Variants in ANKRD30B observed in about 807,000 individuals in gnomAD.
The protein encoded by ANKRD30B is ankyrin repeat domain 30B.
ANKRD30B carries 144 observed loss-of-function variants against 202.2 expected under a neutral mutation model. The observed-to-expected ratio is 0.71, with a 90% confidence interval of 0.62 to 0.82. The LOEUF (loss-of-function observed/expected upper bound fraction) is 0.82, where lower values mean the gene tolerates loss of function less well. Ranked by LOEUF, ANKRD30B falls within the 40% of genes least tolerant of loss-of-function variation. ANKRD30B has a pLI of 0.00. For synonymous variants in ANKRD30B, 508 were observed against 561.3 expected (o/e 0.91, Z 1.34); for missense variants, 1,487 against 1,669.1 (o/e 0.89, Z 1.90).
chr18:14,935,909 C>T, the ANKRD30B span, among the ~76,000 whole-genome samples: 2 of 152,354 alleles, frequency 1.3e-5, no homozygotes, highest in Admixed American at 6.5e-5. Flanking sequence ...CTCCTCTGTA[C>T]ACACAGCTCC....
chr18:14,771,866 G>A lies in ANKRD30B; in HGVS notation c.1257-290G>A, dbSNP rs1967023701. The stretch of plus-strand genomic sequence containing the variant: ...TGAGGATGAATTATACTCAGGGTAT[G>A]CCAATTATATTGGCAGTCACTATTT... On this transcript the variant is annotated intron_variant, in intron 8 of 43. Transcript: ENST00000690538. Among the ~76,000 whole-genome samples, 4 of 152,160 alleles carry A rather than the reference G, an allele frequency of 2.6e-5. No homozygotes were observed. The South Asian group carries it at 8.3e-4, about 32-fold the overall frequency.
chr18:14,832,873 C>T (rs552463719), intron 34 of ANKRD30B, among the ~76,000 whole-genome samples: 3 of 152,104 alleles, frequency 2.0e-5, no homozygotes. Context: ...TTTCTAGTAT[C>T]CCCAAGTGGA....
At chr18:14,924,449 C>T in the ANKRD30B span, among the ~76,000 whole-genome samples, 1 of 152,208 alleles carries the variant, frequency 6.6e-6, no homozygotes, top group African/African-American at 2.4e-5. Context: ...GCACGTGCTC[C>T]ATGCCCGGCC....
intron 4 of ANKRD30B, among the ~76,000 whole-genome samples, chr18:14,757,112 G>A (rs1427662406): frequency 1.3e-5 from 2 of 151,746 alleles, no homozygotes; most frequent in East Asian, 3.9e-4. Flanking sequence ...ATGGGTAGAG[G>A]GAAGAAAGAC....
chr18:14,881,885 G>A, the ANKRD30B span, among the ~76,000 whole-genome samples: 1 of 151,940 alleles, frequency 6.6e-6, no homozygotes, highest in Non-Finnish European at 1.5e-5. Context: ...TCTAGTTTAT[G>A]TGCCAAAAGG....
In ANKRD30B at chr18:14,769,364, C is replaced by G. The variant is rs565015101; in HGVS notation, c.1247C>G (p.Pro416Arg). ...ATAGTGGATGTGAGTTCTGTAGAGC[C>G]TATATTCAGGTAAGACTTTGCGGTT... ...STNVDVSSVE[P>R]IFSLFGTRTI... The change falls in exon 8 of 44, where the codon CCT (proline) becomes CGT (arginine). Residue 416 changes from proline (P) to arginine (R), a missense_variant. Around this residue, in one of 6 missense-constraint regions of ANKRD30B, gnomAD observed 889 missense variants for 841.4 expected, o/e 1.06. Coordinates refer to ENST00000690538, the MANE Select transcript of ANKRD30B (RefSeq NM_001367607.2). 6.5e-7 allele frequency: 1 copy of G among 1,543,906 alleles called. No homozygotes were observed. The highest frequency in any genetic ancestry group is 8.7e-7 in the Non-Finnish European group (1 of 1,143,222).
Position 14,796,547 on chromosome 18 carries a change from T to A in ANKRD30B, c.1927+132T>A. On this transcript the variant is annotated intron_variant, in intron 18 of 43. Coordinates refer to ENST00000690538, the MANE Select transcript of ANKRD30B (RefSeq NM_001367607.2). ...GAAAATTTGAAACAAATAATGCCAA[T>A]GTTAGCATTTATGTTTGAGAAAATG... 2.6e-6 allele frequency: 3 copies of A among 1,171,606 alleles called. No homozygotes were observed. In the Admixed American group the frequency reaches 8.6e-5, roughly 33 times the overall value. The allele number at this position is 1,171,606 out of a possible 1,614,324, so 72.6% of individuals were successfully genotyped here.
At chr18:14,799,408 T>C (rs2143994393) in intron 22 of ANKRD30B, 113 bp downstream of exon 22, 1 of 1,080,186 alleles carries the variant, frequency 9.3e-7, no homozygotes, top group South Asian at 1.9e-5. Flanking sequence ...GATGGGAAAA[T>C]TTGATAAAAT....
Position 14,840,514 on chromosome 18 carries a change from G to A in ANKRD30B, c.2989-74G>A, listed in dbSNP as rs568215074. Reference sequence around the variant, plus strand: ...AGATCATGCCACTGGGCAACCCTGCGAGGCTTCATCTCAGAAAAACAAAAT... The same window carrying A: ...AGATCATGCCACTGGGCAACCCTGCAAGGCTTCATCTCAGAAAAACAAAAT... On this transcript the variant is annotated intron_variant, in intron 36 of 43. Coordinates refer to ENST00000690538, the MANE Select transcript of ANKRD30B (RefSeq NM_001367607.2). The A allele has an allele frequency of 1.2e-4, 88 of 720,188 alleles. No homozygotes were observed. The South Asian group carries it at 3.4e-3, about 28-fold the overall frequency. The allele number at this position is 720,188 out of a possible 1,614,324, so 44.6% of individuals were successfully genotyped here.
At position 14,764,013 on chromosome 18, in the gene ANKRD30B, C is replaced by G; in HGVS notation, c.1148C>G (p.Thr383Ser). 1.9e-6 allele frequency: 3 copies of G among 1,574,790 alleles called. No homozygotes were observed. The highest frequency in any genetic ancestry group is 1.2e-5 in the South Asian group (1 of 83,620). Residue 383 changes from threonine (T) to serine (S), a missense_variant, in exon 7 of 44, where the codon ACT (threonine) becomes AGT (serine). By Grantham distance (58) the Thr-to-Ser change is moderately conservative. Around this residue, in one of 6 missense-constraint regions of ANKRD30B, gnomAD observed 889 missense variants for 841.4 expected, o/e 1.06. Coordinates refer to ENST00000690538, the MANE Select transcript of ANKRD30B (RefSeq NM_001367607.2). ...ECVAGVTPNK[T>S]EVLEKGTSNM... is the part of the protein sequence containing the mutation. Reference sequence around the variant, plus strand: ...GTGGCAGGAGTAACACCTAATAAAACTGAAGTTTTGGAAAAAGGAACATCT... The same window carrying G: ...GTGGCAGGAGTAACACCTAATAAAAGTGAAGTTTTGGAAAAAGGAACATCT...
At chr18:14,792,822 G>C (rs1251233865) in intron 16 of ANKRD30B, among the ~76,000 whole-genome samples, 6 of 151,748 alleles carry the variant, frequency 4.0e-5, no homozygotes, top group Non-Finnish European at 7.4e-5. Flanking sequence ...TTATTTTTAA[G>C]GAAGCAAATT....
chr18:14,787,820 C>G (rs1968182312), intron 15 of ANKRD30B, among the ~76,000 whole-genome samples: 1 of 152,182 alleles, frequency 6.6e-6, no homozygotes, highest in African/African-American at 2.4e-5. Context: ...TAGAAACAAG[C>G]AGCTGCTGCC....
At chr18:14,774,495 G>T (rs1191083593) in intron 9 of ANKRD30B, among the ~76,000 whole-genome samples, 1 of 152,042 alleles carries the variant, frequency 6.6e-6, no homozygotes, top group Non-Finnish European at 1.5e-5. Flanking sequence ...GGCTATGTAT[G>T]ATTTTCATTA....
intron 6 of ANKRD30B, 118 bp downstream of exon 6, chr18:14,760,736 AT>A: frequency 1.5e-6 from 1 of 656,102 alleles, no homozygotes; most frequent in East Asian, 3.0e-5. Flanking sequence ...ACATATATAC[AT>A]ATATGTGGGT....
At chr18:14,881,449 A>T in the ANKRD30B span, among the ~76,000 whole-genome samples, 1 of 152,058 alleles carries the variant, frequency 6.6e-6, no homozygotes, top group Admixed American at 6.6e-5. Flanking sequence ...ATCATGGTGG[A>T]TTATCTTTTT....
the ANKRD30B span, among the ~76,000 whole-genome samples, chr18:14,899,157 T>C: frequency 6.6e-6 from 1 of 152,196 alleles, no homozygotes; most frequent in Non-Finnish European, 1.5e-5. Flanking sequence ...TAGGTTAGTA[T>C]ATTTTTCAAG....
At chr18:14,867,464 C>G in the ANKRD30B span, among the ~76,000 whole-genome samples, 1 of 152,010 alleles carries the variant, frequency 6.6e-6, no homozygotes, top group Non-Finnish European at 1.5e-5. Flanking sequence ...AACTTCTGCT[C>G]GTGTTGGAGC....
the ANKRD30B span, among the ~76,000 whole-genome samples, chr18:14,895,467 T>C: frequency 2.7e-3 from 409 of 152,282 alleles, 1 homozygote; most frequent in Non-Finnish European, 4.0e-3. Flanking sequence ...GGAAGACAAT[T>C]TGGCAGTTTC....
At chr18:14,911,161 T>A in the ANKRD30B span, among the ~76,000 whole-genome samples, 1 of 152,206 alleles carries the variant, frequency 6.6e-6, no homozygotes, top group African/African-American at 2.4e-5. Flanking sequence ...TTTGTTGCAC[T>A]TGCTTTTGAG....
Sources: gnomAD v4.1 joint callset for allele counts (sites outside exome capture counted in the v4.1 genomes callset) on GRCh38, gnomAD v4.1.1 for gene constraint, gnomAD v4.1.1 regional missense constraint, MANE v1.5 for transcripts, NCBI Gene and HGNC (gene_info 2026-07-23, HGNC 2026-07-21) for gene names.